Variants in NGEF observed in about 807,000 individuals in gnomAD.
The protein encoded by NGEF is ephexin-1.
NGEF carries 31 observed loss-of-function variants against 80.9 expected under a neutral mutation model. The ratio of observed to expected loss-of-function variants is 0.38; its 90% CI spans 0.29 to 0.52. The LOEUF (loss-of-function observed/expected upper bound fraction) is 0.52. Ranked by LOEUF, NGEF falls within the 20% of genes least tolerant of loss-of-function variation. The pLI is 0.84. For missense variants in NGEF, 709 were observed against 926.2 expected, an observed-to-expected ratio of 0.77 and a Z score of 3.04; for synonymous variants, 371 against 370.2, an observed-to-expected ratio of 1.00 and a Z score of -0.03.
chr2:233,001,961 AC>A, intron 1 of NGEF, among the ~76,000 whole-genome samples: 1 of 152,088 alleles, frequency 6.6e-6, no homozygotes, highest in East Asian at 1.9e-4. Context: ...GTTGCCCTGA[AC>A]CATTGCACTC....
At chr2:232,957,321 C>A (rs146614038) in intron 3 of NGEF, among the ~76,000 whole-genome samples, 2,153 of 152,024 alleles carry the variant, frequency 0.014, 49 homozygotes, top group African/African-American at 0.048. Flanking sequence ...ATTACTACTA[C>A]TAATAATTAT....
chr2:232,959,142 G>A (rs552259496), intron 3 of NGEF, among the ~76,000 whole-genome samples: 155 of 152,254 alleles, frequency 1.0e-3, no homozygotes, highest in African/African-American at 3.6e-3. Context: ...TATTTCTTCA[G>A]TCTCTTTTAA....
intron 3 of NGEF, among the ~76,000 whole-genome samples, chr2:232,942,195 G>T (rs1693451275): frequency 6.6e-6 from 1 of 152,170 alleles, no homozygotes; most frequent in Non-Finnish European, 1.5e-5. Flanking sequence ...GGCTGTGTTT[G>T]TTCACTCTTA....
At chr2:232,994,980 A>C (rs189598781) in intron 1 of NGEF, among the ~76,000 whole-genome samples, 1 of 121,232 alleles carries the variant, frequency 8.2e-6, no homozygotes, top group South Asian at 2.5e-4. Context: ...GTACATATAC[A>C]TATATGTATA....
chr2:232,879,329 CAT>C lies in NGEF; in HGVS notation c.*158_*159del. The stretch of plus-strand genomic sequence containing the variant: ...AGTTTGCGAGCAAGGGGCCAAGACA[CAT>C]GAGCACTCACTGCGTGGGCAGGGAT... On this transcript the variant is annotated 3_prime_UTR_variant, in exon 15 of 15. Transcript: ENST00000264051. 1 of 671,846 alleles carries C rather than the reference CAT, an allele frequency of 1.5e-6. No homozygotes were observed. The highest frequency in any genetic ancestry group is 2.7e-5 in the East Asian group (1 of 37,098). The allele number at this position is 671,846 out of a possible 1,614,324, so 41.6% of individuals were successfully genotyped here.
At chr2:232,997,406 C>T (rs910824878) in intron 1 of NGEF, among the ~76,000 whole-genome samples, 5 of 152,042 alleles carry the variant, frequency 3.3e-5, no homozygotes, top group Non-Finnish European at 5.9e-5. Context: ...GAGACCAGGG[C>T]GGGGTCCTGA....
chr2:232,946,267 CT>C (rs1392462771), intron 3 of NGEF, among the ~76,000 whole-genome samples: 1 of 151,050 alleles, frequency 6.6e-6, no homozygotes, highest in African/African-American at 2.4e-5. Flanking sequence ...ACACAGTGGA[CT>C]TTGGGGACTT....
intron 5 of NGEF, among the ~76,000 whole-genome samples, chr2:232,903,244 G>A (rs60812380): frequency 0.025 from 3,826 of 152,208 alleles, 176 homozygotes; most frequent in African/African-American, 0.088. Context: ...TATAAATAAT[G>A]CTGCAATGAA....
Position 232,927,072 on chromosome 2 carries a change from G to A in NGEF, c.498C>T (p.Asp166=), listed in dbSNP as rs1200360757. 6.2e-7 allele frequency: 1 copy of A among 1,614,046 alleles called. No individual in the cohort carries two copies. Among genetic ancestry groups the A allele is most frequent in the Non-Finnish European group, 8.5e-7 (1 of 1,179,996 alleles). ...ALRMIHPIPA[D]SWRNLIEQIG... is the part of the protein sequence containing the mutation. ...TTTGTTCAATGAGGTTTCTCCAGGA[G>A]TCGGCGGGAATGGGGTGGATCATCC... Residue 166 remains aspartate, a synonymous_variant, in exon 4 of 15, where the codon GAC becomes GAT. Transcript: ENST00000264051.
chr2:232,943,559 G>C (rs568346249), intron 3 of NGEF, among the ~76,000 whole-genome samples: 3 of 121,644 alleles, frequency 2.5e-5, no homozygotes, highest in East Asian at 4.1e-4. Context: ...GCAGTGGCGC[G>C]ATCTCGGCTC....
At chr2:232,926,796 C>A (rs954382760) in intron 4 of NGEF, among the ~76,000 whole-genome samples, 1 of 152,200 alleles carries the variant, frequency 6.6e-6, no homozygotes, top group Non-Finnish European at 1.5e-5. Context: ...AAGAGCTGGG[C>A]AAATAGACCT....
At chr2:232,928,966 A>G (rs2675964) in intron 3 of NGEF, among the ~76,000 whole-genome samples, 40,957 of 152,050 alleles carry the variant, frequency 0.27, 5,725 homozygotes, top group Non-Finnish European at 0.31. Flanking sequence ...CCCTCTGCTC[A>G]GGGATCATGC....
intron 1 of NGEF, among the ~76,000 whole-genome samples, chr2:233,012,372 C>T (rs1482855817): frequency 6.6e-6 from 1 of 152,210 alleles, no homozygotes; most frequent in African/African-American, 2.4e-5. Context: ...TTCAGTCACA[C>T]CGTGCTGTGG....
intron 3 of NGEF, among the ~76,000 whole-genome samples, chr2:232,958,984 T>C (rs1693889942): frequency 1.3e-5 from 2 of 152,126 alleles, no homozygotes; most frequent in African/African-American, 4.8e-5. Flanking sequence ...AGGTTAAATA[T>C]AGGTTAAAAA....
At chr2:232,908,884 G>T (rs1428264259) in intron 5 of NGEF, among the ~76,000 whole-genome samples, 2 of 152,158 alleles carry the variant, frequency 1.3e-5, no homozygotes, top group East Asian at 3.9e-4. Flanking sequence ...TGAAATCTGG[G>T]TTTTGCTGAC....
At chr2:232,906,874 G>A (rs1032534950) in intron 5 of NGEF, among the ~76,000 whole-genome samples, 39 of 151,798 alleles carry the variant, frequency 2.6e-4, no homozygotes, top group Admixed American at 1.5e-3. Context: ...GTTGATCTAT[G>A]ACCTTACCCC....
chr2:232,964,234 C>T (rs561326566), intron 3 of NGEF, among the ~76,000 whole-genome samples: 1 of 152,174 alleles, frequency 6.6e-6, no homozygotes, highest in Non-Finnish European at 1.5e-5. Context: ...AAGTCCACTC[C>T]TGGGTATACA....
At chr2:232,923,365 G>A (rs941717514) in intron 4 of NGEF, among the ~76,000 whole-genome samples, 4 of 152,114 alleles carry the variant, frequency 2.6e-5, no homozygotes, top group Admixed American at 1.3e-4. Flanking sequence ...CCCTCTCCCC[G>A]GTTGGCAGAG....
chr2:232,953,954 G>T (rs942876177), intron 3 of NGEF, among the ~76,000 whole-genome samples: 1 of 152,188 alleles, frequency 6.6e-6, no homozygotes, highest in African/African-American at 2.4e-5. Flanking sequence ...ATAAATGAAT[G>T]ACACCTCAAG....
Sources: allele counts gnomAD v4.1 joint callset (sites outside exome capture counted in the v4.1 genomes callset), GRCh38; gene constraint gnomAD v4.1.1; transcripts MANE v1.5; gene names NCBI Gene and HGNC (gene_info 2026-07-23, HGNC 2026-07-21).